The following FLRT1 variants were observed in gnomAD, a reference collection of about 807,000 sequenced individuals.
The protein encoded by FLRT1 is fibronectin leucine rich transmembrane protein 1.
Under a neutral mutation model 30.9 loss-of-function variants are expected in FLRT1, and 14 were observed. The ratio of observed to expected loss-of-function variants is 0.45; its 90% CI spans 0.30 to 0.71. FLRT1 has a LOEUF of 0.71. Ranked by LOEUF, FLRT1 falls within the 30% of genes least tolerant of loss-of-function variation. The probability of loss-of-function intolerance (pLI) is 0.08; values close to 1 mark genes in which losing one functional copy is unlikely to be tolerated. For missense variants in FLRT1, 737 were observed against 949.2 expected, an observed-to-expected ratio of 0.78 and a Z score of 2.94; for synonymous variants, 368 against 430.4, an observed-to-expected ratio of 0.85 and a Z score of 1.80.
chr11:64,084,603 C>T (rs1057385864), intron 1 of FLRT1, among the ~76,000 whole-genome samples: 1 of 152,210 alleles, frequency 6.6e-6, no homozygotes, highest in African/African-American at 2.4e-5. Context: ...GTGGACAGTA[C>T]CCACTTAGGA....
chr11:64,109,052 G>A (rs1290055768), intron 2 of FLRT1, among the ~76,000 whole-genome samples: 3 of 152,172 alleles, frequency 2.0e-5, no homozygotes, highest in Non-Finnish European at 4.4e-5. Context: ...TTTACATGCA[G>A]GACACTTCCT....
chr11:64,068,283 A>T (rs938743974), intron 1 of FLRT1, among the ~76,000 whole-genome samples: 1 of 151,898 alleles, frequency 6.6e-6, no homozygotes. Flanking sequence ...TGGCAAGGCC[A>T]CCCCAACCCC....
chr11:64,062,867 C>CG (rs1364320270), intron 1 of FLRT1, among the ~76,000 whole-genome samples: 1 of 152,206 alleles, frequency 6.6e-6, no homozygotes, highest in East Asian at 1.9e-4. Context: ...CCCGGCCCCG[C>CG]CTCCTAGGCC....
chr11:64,108,617 G>A (rs1001765452), intron 2 of FLRT1, among the ~76,000 whole-genome samples: 1 of 152,232 alleles, frequency 6.6e-6, no homozygotes, highest in African/African-American at 2.4e-5. Context: ...TGCCTTGGTA[G>A]GGCTTCCTGT....
At chr11:64,062,691 G>A (rs1223824021) in intron 1 of FLRT1, among the ~76,000 whole-genome samples, 1 of 152,212 alleles carries the variant, frequency 6.6e-6, no homozygotes, top group African/African-American at 2.4e-5. Flanking sequence ...CCAGAGTGCT[G>A]AAGGCTTCCA....
intron 1 of FLRT1, among the ~76,000 whole-genome samples, chr11:64,058,036 A>G (rs1943823115): frequency 1.3e-5 from 2 of 152,222 alleles, no homozygotes; most frequent in South Asian, 4.1e-4. Context: ...GCCACTGAGT[A>G]ATGCGCAATG....
intron 1 of FLRT1, among the ~76,000 whole-genome samples, chr11:64,076,393 G>A (rs1353198672): frequency 6.6e-6 from 1 of 152,162 alleles, no homozygotes; most frequent in East Asian, 1.9e-4. Context: ...TGTCTCCAGT[G>A]CCCACAGCAG....
chr11:64,052,161 C>T (rs1194424462), intron 1 of FLRT1, among the ~76,000 whole-genome samples: 2 of 151,884 alleles, frequency 1.3e-5, no homozygotes, highest in East Asian at 3.9e-4. Context: ...AGATGGCTCC[C>T]AACAAGGCAC....
rs548315776 is a variant in FLRT1, at chr11:64,118,869, C to G, written c.*577C>G. ...GGCTTATTCCATACCATTTCCCTTG[C>G]AGATTTGCAGAAACATGGCATCTTT... On this transcript the variant is annotated 3_prime_UTR_variant, in exon 3 of 3. Transcript: ENST00000682287. The G allele has an allele frequency of 1.2e-5, 2 of 167,208 alleles. No homozygotes were observed. The highest frequency in any genetic ancestry group is 2.9e-5 in the Non-Finnish European group (2 of 68,108). 10.4% of individuals were successfully genotyped at this position (167,208 alleles called of 1,614,324 possible).
intron 1 of FLRT1, among the ~76,000 whole-genome samples, chr11:64,059,834 G>T (rs1943863213): frequency 6.6e-6 from 1 of 152,152 alleles, no homozygotes; most frequent in Non-Finnish European, 1.5e-5. Flanking sequence ...CGAGAGGCCC[G>T]CCCCTAGGCG....
rs1945041645 is a variant in FLRT1, at chr11:64,118,618, T to A, written c.*326T>A. The stretch of plus-strand genomic sequence containing the variant: ...GGTTTTTTTTTTTTCCCCCCTGAAC[T>A]GGAAGGATACTACCTGTACAACATC... On this transcript the variant is annotated 3_prime_UTR_variant, in exon 3 of 3. Coordinates refer to ENST00000682287, the MANE Select transcript of FLRT1 (RefSeq NM_013280.5). The A allele has an allele frequency of 7.6e-6, 2 of 263,318 alleles. No individual in the cohort carries two copies. Among genetic ancestry groups the A allele is most frequent in the East Asian group, 1.6e-4 (2 of 12,774 alleles). The allele number at this position is 263,318 out of a possible 1,614,324, so 16.3% of individuals were successfully genotyped here.
In FLRT1 at chr11:64,090,422, C is replaced by T. The variant is rs1204502443; in HGVS notation, c.-1037-12772C>T. ...GGTGCTTTATTTCCTCAACTCACCT[C>T]CAGCCCGGGCAGCAGTGGGTCGATA... On this transcript the variant is annotated intron_variant, in intron 1 of 2. Coordinates refer to ENST00000682287, the MANE Select transcript of FLRT1 (RefSeq NM_013280.5). The surrounding 1 kb of genome is among the most constrained non-coding windows in gnomAD (Gnocchi z 4.7). Among the ~76,000 whole-genome samples, 1 of 152,224 alleles carries T rather than the reference C, an allele frequency of 6.6e-6. No individual in the cohort carries two copies. Among genetic ancestry groups the T allele is most frequent in the Admixed American group, 6.5e-5 (1 of 15,286 alleles).
chr11:64,043,644 T>TAA (rs980941487), intron 1 of FLRT1, among the ~76,000 whole-genome samples: 33 of 152,058 alleles, frequency 2.2e-4, no homozygotes, highest in African/African-American at 7.3e-4. Flanking sequence ...AGAGAGGTCA[T>TAA]TATTGAGTGT....
At chr11:64,050,617 ACCCAGCAGTGACCATGG>A (rs1315628375) in intron 1 of FLRT1, among the ~76,000 whole-genome samples, 6 of 152,158 alleles carry the variant, frequency 3.9e-5, no homozygotes, top group Non-Finnish European at 8.8e-5. Flanking sequence ...GGTGACCATG[ACCCAGCAGTGACCATGG>A]CCCAGCTGAC....
chr11:64,100,538 G>T (rs543870709), intron 1 of FLRT1, among the ~76,000 whole-genome samples: 10 of 152,348 alleles, frequency 6.6e-5, no homozygotes, highest in African/African-American at 2.4e-4. Flanking sequence ...ACTCGAGCCA[G>T]AAGGGTGGCC....
chr11:64,093,745 C>A (rs1944530017), intron 1 of FLRT1, among the ~76,000 whole-genome samples: 2 of 152,218 alleles, frequency 1.3e-5, no homozygotes, highest in Admixed American at 1.3e-4. Flanking sequence ...TGTAGTGTGG[C>A]TGTGTGTCTC....
intron 1 of FLRT1, among the ~76,000 whole-genome samples, chr11:64,077,967 C>T (rs1944234293): frequency 6.7e-6 from 1 of 150,154 alleles, no homozygotes; most frequent in Admixed American, 6.6e-5. Context: ...CTCAGCCTGG[C>T]CTCCTTTCCC....
chr11:64,061,873 C>CTTTTTTTTTTTTTTTT (rs57666180), intron 1 of FLRT1, among the ~76,000 whole-genome samples: 1 of 99,130 alleles, frequency 1.0e-5, no homozygotes, highest in Non-Finnish European at 1.9e-5. Flanking sequence ...ACCACGCTGG[C>CTTTTTTTTTTTTTTTT]TTTTTTTTTT....
chr11:64,045,106 G>T (rs1001350164), intron 1 of FLRT1, among the ~76,000 whole-genome samples: 11 of 152,338 alleles, frequency 7.2e-5, no homozygotes, highest in Non-Finnish European at 1.5e-4. Flanking sequence ...GGTGCATGTG[G>T]TGGGTGGCAT....
Sources: gnomAD v4.1 joint callset for allele counts (sites outside exome capture counted in the v4.1 genomes callset) on GRCh38, gnomAD v4.1.1 for gene constraint, Gnocchi (gnomAD v3.1) non-coding constraint, MANE v1.5 for transcripts, NCBI Gene and HGNC (gene_info 2026-07-23, HGNC 2026-07-21) for gene names.